Variants in ESRRG observed in about 807,000 individuals in gnomAD.
The protein encoded by ESRRG is estrogen related receptor gamma, also known as estrogen-related receptor gamma.
ESRRG carries 13 observed loss-of-function variants against 44.0 expected under a neutral mutation model. The observed-to-expected ratio is 0.30, with a 90% CI of 0.19 to 0.47. ESRRG has a LOEUF of 0.47. ESRRG is among the 20% of genes least tolerant of loss of function. The probability of loss-of-function intolerance (pLI) is 1.00; values close to 1 mark genes in which losing one functional copy is unlikely to be tolerated. For missense variants in ESRRG, 395 were observed against 580.6 expected (o/e 0.68, Z 3.29); for synonymous variants, 215 against 214.6 (o/e 1.00, Z -0.02).
At chr1:216,512,362 C>A (rs1482018853) in intron 6 of ESRRG, among the ~76,000 whole-genome samples, 2 of 152,030 alleles carry the variant, frequency 1.3e-5, no homozygotes, top group African/African-American at 4.8e-5. Context: ...CACTGGAAAA[C>A]CATGTACATC....
At chr1:216,854,410 G>A (rs1226620939) in intron 2 of ESRRG, among the ~76,000 whole-genome samples, 3 of 145,304 alleles carry the variant, frequency 2.1e-5, no homozygotes, top group African/African-American at 7.5e-5. Flanking sequence ...CTCCCTAGAT[G>A]TATTTCTAAC....
chr1:216,543,929 T>G (rs1376444376), intron 5 of ESRRG, among the ~76,000 whole-genome samples: 1 of 152,072 alleles, frequency 6.6e-6, no homozygotes, highest in Non-Finnish European at 1.5e-5. Flanking sequence ...ATAGAAACTT[T>G]TGATAACTTG....
chr1:217,114,564 C>T (rs2092697898), intron 1 of ESRRG, among the ~76,000 whole-genome samples: 1 of 151,854 alleles, frequency 6.6e-6, no homozygotes, highest in African/African-American at 2.4e-5. Context: ...AGAGTTGACT[C>T]TGAAAATAAT....
chr1:216,797,527 G>C (rs115636871), intron 2 of ESRRG, among the ~76,000 whole-genome samples: 37,143 of 151,862 alleles, frequency 0.24, 4,715 homozygotes, highest in African/African-American at 0.3. Context: ...ATTCCTATTA[G>C]GAAAACACAG....
intron 1 of ESRRG, among the ~76,000 whole-genome samples, chr1:217,126,810 G>C (rs749408261): frequency 6.6e-6 from 1 of 152,086 alleles, no homozygotes; most frequent in Non-Finnish European, 1.5e-5. Context: ...CTCCATTCAA[G>C]AGACCTTTCT....
chr1:217,056,840 T>G (rs1214892584), intron 1 of ESRRG, among the ~76,000 whole-genome samples: 1 of 151,700 alleles, frequency 6.6e-6, no homozygotes, highest in Admixed American at 6.6e-5. Context: ...AAATTCTGCA[T>G]GGAATCAGCA....
At chr1:216,697,606 T>C (rs1389041910) in intron 1 of ESRRG, among the ~76,000 whole-genome samples, 1 of 152,196 alleles carries the variant, frequency 6.6e-6, no homozygotes, top group East Asian at 1.9e-4. Flanking sequence ...TAATGAGGTC[T>C]TTTTCCAAAG....
intron 2 of ESRRG, among the ~76,000 whole-genome samples, chr1:216,868,754 A>G (rs2096213300): frequency 6.6e-6 from 1 of 152,196 alleles, no homozygotes; most frequent in Non-Finnish European, 1.5e-5. Flanking sequence ...TTAAAAAACT[A>G]GCCATTCTAG....
In ESRRG at chr1:216,610,826, A is replaced by G. The variant is rs2060548113; in HGVS notation, c.589+40147T>C. Among the ~76,000 whole-genome samples, 3 of 152,168 alleles carry G rather than the reference A, an allele frequency of 2.0e-5. No individual in the cohort carries two copies. In the South Asian group the frequency reaches 6.2e-4, roughly 32 times the overall value. On this transcript the variant is annotated intron_variant, in intron 3 of 6. Transcript: ENST00000408911. ...ATTTATTCCTTAGAACAAACCTGTG[A>G]GAAAAAAGGAAAGGAAACAGTGGTT...
At chr1:216,571,664 A>T (rs1361678853) in intron 3 of ESRRG, among the ~76,000 whole-genome samples, 1 of 151,970 alleles carries the variant, frequency 6.6e-6, no homozygotes, top group Non-Finnish European at 1.5e-5. Context: ...TCACTCGTAC[A>T]TTTACCTCAT....
chr1:217,112,991 A>G (rs2092676766), intron 1 of ESRRG, among the ~76,000 whole-genome samples: 1 of 152,226 alleles, frequency 6.6e-6, no homozygotes, highest in African/African-American at 2.4e-5. Flanking sequence ...GAGGCTTTTT[A>G]TTAATAGAAT....
intron 2 of ESRRG, among the ~76,000 whole-genome samples, chr1:216,843,374 C>T (rs967573042): frequency 2.6e-5 from 4 of 151,854 alleles, no homozygotes; most frequent in Admixed American, 1.3e-4. Flanking sequence ...TTAGGCAGGT[C>T]GGAAAGACTA....
intron 1 of ESRRG, among the ~76,000 whole-genome samples, chr1:216,955,928 T>G (rs2067866040): frequency 6.6e-6 from 1 of 152,192 alleles, no homozygotes; most frequent in East Asian, 1.9e-4. Flanking sequence ...TTGTGTTTCT[T>G]GTGTATTCTG....
chr1:216,772,378 C>T (rs184991806), intron 2 of ESRRG, among the ~76,000 whole-genome samples: 685 of 152,160 alleles, frequency 4.5e-3, no homozygotes, highest in African/African-American at 1.0e-2. Flanking sequence ...TTCAGCAGCT[C>T]GGGTAGAAGC....
At chr1:216,718,031 A>G (rs1051648891) in intron 1 of ESRRG, among the ~76,000 whole-genome samples, 5 of 151,858 alleles carry the variant, frequency 3.3e-5, no homozygotes, top group African/African-American at 4.8e-5. Context: ...ATTTCCAGAT[A>G]CTGAATACAT....
chr1:216,703,304 TA>T (rs201517053), intron 1 of ESRRG, among the ~76,000 whole-genome samples: 39 of 151,688 alleles, frequency 2.6e-4, no homozygotes, highest in Non-Finnish European at 4.9e-4. Flanking sequence ...TGATGATCTT[TA>T]AAAAAAAATC....
intron 3 of ESRRG, among the ~76,000 whole-genome samples, chr1:216,608,100 C>A (rs749179523): frequency 4.6e-5 from 7 of 152,176 alleles, no homozygotes; most frequent in Non-Finnish European, 1.0e-4. Flanking sequence ...TTCTCTTAAT[C>A]AGTTCTGATT....
intron 1 of ESRRG, among the ~76,000 whole-genome samples, chr1:217,019,397 C>T (rs943257391): frequency 1.3e-5 from 2 of 152,194 alleles, no homozygotes; most frequent in Non-Finnish European, 2.9e-5. Context: ...AGGGGAGTTA[C>T]TTCATGTGTT....
At chr1:216,850,739 C>T (rs764795961) in intron 2 of ESRRG, among the ~76,000 whole-genome samples, 11 of 151,726 alleles carry the variant, frequency 7.2e-5, no homozygotes, top group South Asian at 2.1e-4. Flanking sequence ...TAATAAATAC[C>T]GTGCTGTTTT....
Sources: gnomAD v4.1 joint callset for allele counts (sites outside exome capture counted in the v4.1 genomes callset) on GRCh38, gnomAD v4.1.1 for gene constraint, MANE v1.5 for transcripts, NCBI Gene and HGNC (gene_info 2026-07-23, HGNC 2026-07-21) for gene names.